Variants in SASH1 observed in about 807,000 individuals in gnomAD.
The protein encoded by SASH1 is SAM and SH3 domain containing 1.
In SASH1, 44 loss-of-function variants were observed where a neutral mutation model predicts 125.2. The ratio of observed to expected loss-of-function variants is 0.35; its 90% CI spans 0.28 to 0.45. The LOEUF (loss-of-function observed/expected upper bound fraction) is 0.45, where lower values mean the gene tolerates loss of function less well. SASH1 is among the 20% of genes least tolerant of loss of function. SASH1 has a pLI of 1.00. For synonymous variants in SASH1, 639 were observed against 649.1 expected, an observed-to-expected ratio of 0.98 and a Z score of 0.24; for missense variants, 1,426 against 1,614.5, an observed-to-expected ratio of 0.88 and a Z score of 2.00.
chr6:148,370,304 G>A (rs1230612473), intron 1 of SASH1, among the ~76,000 whole-genome samples: 1 of 152,168 alleles, frequency 6.6e-6, no homozygotes, highest in Non-Finnish European at 1.5e-5. Flanking sequence ...ATTTAAAGAT[G>A]GTTGGCAAGA....
the SASH1 span, among the ~76,000 whole-genome samples, chr6:148,219,805 A>G: frequency 6.6e-6 from 1 of 152,190 alleles, no homozygotes; most frequent in Non-Finnish European, 1.5e-5. Flanking sequence ...TTAGACTTGC[A>G]GGCCTGGGTG....
intron 4 of SASH1, among the ~76,000 whole-genome samples, chr6:148,447,710 TCTCCTCCTCCTCATC>T (rs147880013): frequency 0.2 from 30,229 of 149,544 alleles, 3,164 homozygotes; most frequent in East Asian, 0.27. Context: ...TCTTCCTCCT[TCTCCTCCTCCTCATC>T]CTCCTCCTCC....
intron 2 of SASH1, among the ~76,000 whole-genome samples, chr6:148,393,123 C>T (rs1306006193): frequency 7.3e-5 from 11 of 149,822 alleles, no homozygotes; most frequent in South Asian, 2.1e-4. Context: ...CTCAGCTCAC[C>T]GCAACCTCCA....
chr6:148,455,115 C>T (rs1044975565), intron 4 of SASH1, among the ~76,000 whole-genome samples: 1 of 152,222 alleles, frequency 6.6e-6, no homozygotes, highest in African/African-American at 2.4e-5. Context: ...TCCCTGGCCT[C>T]TCCTAGGCCA....
Position 148,462,157 on chromosome 6 carries a change from A to G in SASH1, c.387-6388A>G, listed in dbSNP as rs113978902. Among the ~76,000 whole-genome samples, 1,347 of 152,356 alleles carry G rather than the reference A, an allele frequency of 8.8e-3. 9 individuals are homozygous for G. The highest frequency in any genetic ancestry group is 0.028 in the South Asian group (136 of 4,830). On this transcript the variant is annotated intron_variant, in intron 4 of 19. Coordinates refer to ENST00000367467, the MANE Select transcript of SASH1 (RefSeq NM_015278.5). ...AGATTTCAAATTCAGCAGGAAATCA[A>G]CTAATGGAGAAGTTGATTTCCTGAG...
chr6:148,433,983 T>C (rs1776174645), intron 2 of SASH1, among the ~76,000 whole-genome samples: 1 of 151,672 alleles, frequency 6.6e-6, no homozygotes, highest in Non-Finnish European at 1.5e-5. Flanking sequence ...ACCATTGGCG[T>C]GTAGAATTCT....
intron 8 of SASH1, among the ~76,000 whole-genome samples, chr6:148,493,903 T>A (rs1200807385): frequency 1.3e-5 from 2 of 152,222 alleles, no homozygotes; most frequent in Non-Finnish European, 2.9e-5. Flanking sequence ...TTATTTATTA[T>A]TTTTCATTTT....
At chr6:148,341,330 GT>G (rs75328242), upstream of SASH1, among the ~76,000 whole-genome samples, 94 of 113,208 alleles carry the variant, frequency 8.3e-4, 1 homozygote, top group East Asian at 8.8e-3. Flanking sequence ...TTTTTTTTTT[GT>G]TTTTTTTTTT....
intron 4 of SASH1, among the ~76,000 whole-genome samples, chr6:148,456,980 GT>G (rs1777387669): frequency 6.7e-6 from 1 of 148,948 alleles, no homozygotes; most frequent in Non-Finnish European, 1.5e-5. Flanking sequence ...ATAATAACTA[GT>G]TTTTGTGGTG....
chr6:148,356,058 T>C (rs894697314), intron 1 of SASH1, among the ~76,000 whole-genome samples: 22 of 148,264 alleles, frequency 1.5e-4, no homozygotes, highest in African/African-American at 5.2e-4. Flanking sequence ...CCAAAGTCCA[T>C]TGTATCATTC....
At chr6:148,251,951 C>T in the SASH1 span, among the ~76,000 whole-genome samples, 5 of 150,056 alleles carry the variant, frequency 3.3e-5, no homozygotes, top group African/African-American at 1.2e-4. Context: ...TTTGTCCTTG[C>T]GATAGTTTAC....
chr6:148,525,655 G>A (rs1002580357), intron 11 of SASH1, among the ~76,000 whole-genome samples: 1 of 152,146 alleles, frequency 6.6e-6, no homozygotes, highest in African/African-American at 2.4e-5. Context: ...TGGCCTCTGT[G>A]GTCTGAGTCA....
intron 1 of SASH1, among the ~76,000 whole-genome samples, chr6:148,293,037 C>T (rs1779674205): frequency 6.6e-6 from 1 of 150,622 alleles, no homozygotes; most frequent in Non-Finnish European, 1.5e-5. Flanking sequence ...GCCTGGGCAA[C>T]AGAGTGATAC....
chr6:148,406,227 G>C (rs1784366926), intron 2 of SASH1, among the ~76,000 whole-genome samples: 2 of 152,076 alleles, frequency 1.3e-5, no homozygotes, highest in Non-Finnish European at 2.9e-5. Context: ...GTTTGTGCTT[G>C]TTTGTTCTGG....
At chr6:148,364,984 A>G (rs1782391729) in intron 1 of SASH1, among the ~76,000 whole-genome samples, 2 of 152,072 alleles carry the variant, frequency 1.3e-5, no homozygotes, top group Admixed American at 6.6e-5. Context: ...TTAGCCAGGC[A>G]TGGTGGTATG....
At chr6:148,271,734 A>G (rs1562299386), upstream of SASH1, among the ~76,000 whole-genome samples, 1 of 152,234 alleles carries the variant, frequency 6.6e-6, no homozygotes, top group Non-Finnish European at 1.5e-5. Flanking sequence ...TGAGATGTAC[A>G]GTCCATTGAT....
chr6:148,391,890 T>C (rs1387065572), intron 2 of SASH1, among the ~76,000 whole-genome samples: 1 of 152,198 alleles, frequency 6.6e-6, no homozygotes, highest in African/African-American at 2.4e-5. Flanking sequence ...TGTTCAACCC[T>C]CTGTCTCCTC....
At chr6:148,494,689 A>G (rs1345015574) in intron 8 of SASH1, among the ~76,000 whole-genome samples, 1 of 152,218 alleles carries the variant, frequency 6.6e-6, no homozygotes, top group Non-Finnish European at 1.5e-5. Context: ...TTGTGGCCTT[A>G]TAACACCACC....
At chr6:148,387,516 CTTCT>C (rs139571359) in intron 1 of SASH1, among the ~76,000 whole-genome samples, 6,835 of 135,982 alleles carry the variant, frequency 0.05, 248 homozygotes, top group Non-Finnish European at 0.076. Flanking sequence ...TTTCTTTTTC[CTTCT>C]TTCTTTCTTT....
Sources: gnomAD v4.1 joint callset for allele counts (sites outside exome capture counted in the v4.1 genomes callset) on GRCh38, gnomAD v4.1.1 for gene constraint, MANE v1.5 for transcripts, NCBI Gene and HGNC (gene_info 2026-07-23, HGNC 2026-07-21) for gene names.